SMAD9: variants seen among roughly 807,000 people sequenced by gnomAD.
SMAD9 encodes the protein MAD homolog 9.
In SMAD9, 36 loss-of-function variants were observed where a neutral mutation model predicts 46.1. The observed-to-expected ratio is 0.78, with a 90% CI of 0.60 to 1.03. SMAD9 has a LOEUF of 1.03. SMAD9 is among the 50% of genes least tolerant of loss of function. SMAD9 has a pLI of 0.00. For missense variants in SMAD9, 572 were observed against 599.8 expected (o/e 0.95, Z 0.48); for synonymous variants, 245 against 237.1 (o/e 1.03, Z -0.31).
upstream of SMAD9, chr13:36,920,307 G>GGCCCGCCCCC (rs1458475928): frequency 1.3e-3 from 156 of 118,476 alleles, 1 homozygote; most frequent in South Asian, 0.032. Flanking sequence ...CCCTGCTTGC[G>GGCCCGCCCCC]GCCCGCCCCC....
intron 4 of SMAD9, 139 bp downstream of exon 4, chr13:36,867,134 C>A: frequency 1.6e-6 from 1 of 636,318 alleles, no homozygotes; most frequent in Non-Finnish European, 2.9e-6. Flanking sequence ...AATGCAAAGC[C>A]ATCCCATTTG....
intron 1 of SMAD9, among the ~76,000 whole-genome samples, chr13:36,900,574 GGCCGA>G (rs1189790767): frequency 6.6e-6 from 1 of 151,692 alleles, no homozygotes; most frequent in African/African-American, 2.4e-5. Flanking sequence ...CCACCCGCTT[GGCCGA>G]CTATCTTATT....
chr13:36,895,569 G>A (rs2058521262), intron 1 of SMAD9, among the ~76,000 whole-genome samples: 1 of 152,188 alleles, frequency 6.6e-6, no homozygotes, highest in Non-Finnish European at 1.5e-5. Flanking sequence ...CACTGATATA[G>A]CATAAATCCT....
intron 1 of SMAD9, among the ~76,000 whole-genome samples, chr13:36,902,977 A>AT (rs2058589369): frequency 6.6e-6 from 1 of 152,198 alleles, no homozygotes; most frequent in Non-Finnish European, 1.5e-5. Context: ...CACAGCTGAA[A>AT]TAAGCGTGAG....
chr13:36,892,394 A>T (rs1305111327), intron 1 of SMAD9, among the ~76,000 whole-genome samples: 1 of 152,208 alleles, frequency 6.6e-6, no homozygotes, highest in Non-Finnish European at 1.5e-5. Flanking sequence ...AGCAAGTGCA[A>T]AGAAAGTATC....
chr13:36,846,028 T>C lies in SMAD9; in HGVS notation c.*2648A>G, dbSNP rs2058036445. ...AGGCTAGAATGAAGTTGTATGATCATAGTTCACTACAGCCCCAAACTCCTG... is the reference window on the plus strand; with the variant it reads ...AGGCTAGAATGAAGTTGTATGATCACAGTTCACTACAGCCCCAAACTCCTG... On this transcript the variant is annotated 3_prime_UTR_variant, in exon 7 of 7. Coordinates refer to ENST00000379826, the MANE Select transcript of SMAD9 (RefSeq NM_001127217.3). The C allele has an allele frequency of 2.0e-5, 3 of 152,108 alleles. No homozygotes were observed. The highest frequency in any genetic ancestry group is 1.3e-4 in the Admixed American group (2 of 15,282). The allele number at this position is 152,108 out of a possible 1,614,324, so 9.4% of individuals were successfully genotyped here.
Position 36,904,536 on chromosome 13 carries a change from C to G in SMAD9, c.-187+15580G>C, listed in dbSNP as rs541806712. On this transcript the variant is annotated intron_variant, in intron 1 of 6. Transcript: ENST00000379826. Reference sequence around the variant, plus strand: ...GCCACCTGCTTGGTCTTCAATTCAGCCACTAAAAGGCCATGGGCAAATACA... The same window carrying G: ...GCCACCTGCTTGGTCTTCAATTCAGGCACTAAAAGGCCATGGGCAAATACA... Among the ~76,000 whole-genome samples, 3 of 152,250 alleles carry G rather than the reference C, an allele frequency of 2.0e-5. No homozygotes were observed. In the South Asian group the frequency reaches 6.2e-4, roughly 32 times the overall value.
At chr13:36,907,330 T>C (rs1423886908) in intron 1 of SMAD9, among the ~76,000 whole-genome samples, 1 of 152,102 alleles carries the variant, frequency 6.6e-6, no homozygotes, top group Non-Finnish European at 1.5e-5. Flanking sequence ...TAGTTGTACA[T>C]AAAACCGGAA....
At chr13:36,913,675 T>C (rs1286378295) in intron 1 of SMAD9, among the ~76,000 whole-genome samples, 2 of 152,316 alleles carry the variant, frequency 1.3e-5, no homozygotes, top group Middle Eastern at 3.4e-3. Flanking sequence ...TGTAAACATA[T>C]AGTCAATAAG....
chr13:36,894,902 A>G (rs1258476800), intron 1 of SMAD9, among the ~76,000 whole-genome samples: 1 of 151,956 alleles, frequency 6.6e-6, no homozygotes, highest in Non-Finnish European at 1.5e-5. Context: ...CCCCAAGAAC[A>G]CTACTTGGCC....
intron 1 of SMAD9, among the ~76,000 whole-genome samples, chr13:36,910,912 C>T (rs992645015): frequency 1.3e-5 from 2 of 152,226 alleles, no homozygotes; most frequent in African/African-American, 4.8e-5. Flanking sequence ...GTGGTCTGTA[C>T]TACCTACCTA....
chr13:36,917,073 C>A (rs1673504382), intron 1 of SMAD9, among the ~76,000 whole-genome samples: 2 of 152,182 alleles, frequency 1.3e-5, no homozygotes, highest in South Asian at 4.1e-4. Context: ...ACAAGTCAGG[C>A]AAGTGCGGCC....
rs1282491930 is a variant in SMAD9 at position 36,845,756 on chromosome 13, T to A, written c.*2920A>T. The A allele has an allele frequency of 6.6e-6, 1 of 152,198 alleles. No homozygotes were observed. The allele number at this position is 152,198 out of a possible 1,614,324, so 9.4% of individuals were successfully genotyped here. A position where few individuals can be genotyped will look rare whatever the true frequency, so the allele number is the denominator to read the frequency against. ...AAGAAAAAGCTGATTAAAATATGAT[T>A]GTGTTACAATGACTAAAGGGTTAAC... On this transcript the variant is annotated 3_prime_UTR_variant, in exon 7 of 7. Coordinates refer to ENST00000379826, the MANE Select transcript of SMAD9 (RefSeq NM_001127217.3).
intron 1 of SMAD9, among the ~76,000 whole-genome samples, chr13:36,900,335 C>T (rs976204449): frequency 6.6e-6 from 1 of 152,016 alleles, no homozygotes; most frequent in Admixed American, 6.5e-5. Flanking sequence ...GGCTGGAGTG[C>T]CGTGGCGTGA....
chr13:36,916,708 T>C (rs2058701002), intron 1 of SMAD9, among the ~76,000 whole-genome samples: 1 of 151,798 alleles, frequency 6.6e-6, no homozygotes. Context: ...AATTAGTCTA[T>C]GAGTAACTTA....
intron 1 of SMAD9, among the ~76,000 whole-genome samples, chr13:36,914,878 T>C (rs1463280248): frequency 6.6e-6 from 1 of 152,238 alleles, no homozygotes; most frequent in Non-Finnish European, 1.5e-5. Flanking sequence ...AAGCTTTCCA[T>C]AGCCCACAAG....
At chr13:36,862,898 A>G (rs2058196430) in intron 5 of SMAD9, among the ~76,000 whole-genome samples, 1 of 152,070 alleles carries the variant, frequency 6.6e-6, no homozygotes, top group Non-Finnish European at 1.5e-5. Context: ...GACATACTGT[A>G]TGTTGTATTT....
chr13:36,902,538 C>A (rs1270433190), intron 1 of SMAD9, among the ~76,000 whole-genome samples: 1 of 152,024 alleles, frequency 6.6e-6, no homozygotes, highest in African/African-American at 2.4e-5. Context: ...ACAGCAACCT[C>A]TGCCTCCCGG....
At position 36,872,721 on chromosome 13, in the gene SMAD9, T is replaced by C. The variant is rs777312754; in HGVS notation, c.607A>G (p.Thr203Ala). ...CCTGGGGAGTGAGGGTAGCTGGCCG[T>C]GCACGGGGACTGGGAGAACGCGTGG... ...PSHAFSQSPC[T>A]ASYPHSPGSP... Residue 203 changes from threonine to alanine, a missense_variant, in exon 3 of 7, where the codon ACG becomes GCG. By Grantham distance (58) the Thr-to-Ala change is moderately conservative (BLOSUM62 0). Transcript: ENST00000379826. 7.4e-6 allele frequency: 12 copies of C among 1,613,926 alleles called. No homozygotes were observed. The highest frequency in any genetic ancestry group is 1.0e-5 in the Non-Finnish European group (12 of 1,179,982).
Sources: gnomAD v4.1 joint callset for allele counts (sites outside exome capture counted in the v4.1 genomes callset) on GRCh38, gnomAD v4.1.1 for gene constraint, MANE v1.5 for transcripts, NCBI Gene and HGNC (gene_info 2026-07-23, HGNC 2026-07-21) for gene names.